EIF4A2: variants seen among roughly 807,000 people sequenced by gnomAD.
EIF4A2 encodes eukaryotic translation initiation factor 4A2.
Under a neutral mutation model 50.6 loss-of-function variants are expected in EIF4A2, and 9 were observed. That is an observed-to-expected ratio of 0.18 (90% confidence interval 0.11 to 0.31). The LOEUF (loss-of-function observed/expected upper bound fraction) is 0.31, where lower values mean the gene tolerates loss of function less well. Among genes scored for constraint, EIF4A2 ranks in the 10% least tolerant of loss-of-function variants. The pLI, the probability that EIF4A2 is intolerant of heterozygous loss-of-function variation, is 1.00. For missense variants in EIF4A2, 182 were observed against 501.8 expected (o/e 0.36, Z 6.09); for synonymous variants, 215 against 164.4 (o/e 1.31, Z -2.35).
At chr3:186,788,048 T>A in intron 10 of EIF4A2, 166 bp downstream of exon 10, 2 of 808,406 alleles carry the variant, frequency 2.5e-6, no homozygotes, top group East Asian at 5.4e-5. Context: ...GAGAACAAAG[T>A]GGGAAAACTT....
intron 4 of EIF4A2, chr3:186,785,377 A>G: frequency 4.3e-6 from 2 of 463,616 alleles, no homozygotes; most frequent in Non-Finnish European, 7.7e-6. Context: ...GTTGTGCAAC[A>G]TGAAAACTGC....
At chr3:186,786,370 C>G in intron 6 of EIF4A2, 97 bp downstream of exon 6, 1 of 1,518,362 alleles carries the variant, frequency 6.6e-7, no homozygotes, top group Admixed American at 2.0e-5. Context: ...TGTCGTTCCC[C>G]CTGCTTAAAG....
chr3:186,784,947 T>C lies in EIF4A2; in HGVS notation c.209-15T>C. On this transcript the variant is annotated splice_polypyrimidine_tract_variant and intron_variant, in intron 3 of 10. Coordinates refer to ENST00000323963, the MANE Select transcript of EIF4A2 (RefSeq NM_001967.4). ...TTGATGTGGGATCGGTAAATGTGTA[T>C]CCTACTTTTTTTAGGGTATGATGTG... The C allele has an allele frequency of 6.2e-7, 1 of 1,614,192 alleles. No individual in the cohort carries two copies. The highest frequency in any genetic ancestry group is 8.5e-7 in the Non-Finnish European group (1 of 1,180,038).
intron 10 of EIF4A2, 86 bp downstream of exon 10, chr3:186,787,968 G>A (rs898889799): frequency 2.9e-6 from 4 of 1,397,628 alleles, no homozygotes; most frequent in Admixed American, 3.8e-5. Context: ...TCAAATCAAG[G>A]AATAGATTCA....
In EIF4A2 at chr3:186,786,523, A is replaced by G; in HGVS notation, c.649A>G (p.Met217Val). 2.5e-6 allele frequency: 4 copies of G among 1,612,518 alleles called. No individual in the cohort carries two copies. The highest frequency in any genetic ancestry group is 2.5e-6 in the Non-Finnish European group (3 of 1,179,894). ...SIQVVLLSAT[M>V]PTDVLEVTKK... is the part of the protein sequence containing the mutation. ...TAAGGTTGTGTTGCTTTCTGCCACA[A>G]TGCCAACTGATGTGTTGGAAGTGAC... is the stretch of plus-strand genomic sequence containing the variant. The change falls in exon 7 of 11, where the codon ATG becomes GTG. Residue 217 changes from methionine (M) to valine (V), a missense_variant. Met to Val is a conservative substitution (Grantham distance 21, BLOSUM62 1). Transcript: ENST00000323963.
chr3:186,783,639 G>C lies in EIF4A2; in HGVS notation c.29G>C (p.Arg10Thr), dbSNP rs1479988881. 2 of 1,614,062 alleles carry C rather than the reference G, an allele frequency of 1.2e-6. No individual in the cohort carries two copies. The highest frequency in any genetic ancestry group is 1.1e-5 in the South Asian group (1 of 91,084). Residue 10 changes from arginine to threonine, a missense_variant and splice_region_variant, in exon 1 of 11, where the codon AGA (arginine) becomes ACA (threonine). By Grantham distance (71) the Arg-to-Thr change is moderately conservative. Around this residue, in one of 7 missense-constraint regions of EIF4A2, gnomAD observed 43 missense variants for 22.2 expected, o/e 1.93. Coordinates refer to ENST00000323963, the MANE Select transcript of EIF4A2 (RefSeq NM_001967.4). Reference protein sequence around the residue: MSGGSADYNREHGGPEGMDP... With the variant: MSGGSADYNTEHGGPEGMDP... Reference sequence around the variant, plus strand: ...TCTGGTGGCTCCGCGGATTATAACAGGTATGCAGTCTGTTGGCGGTCGCGG... The same window carrying C: ...TCTGGTGGCTCCGCGGATTATAACACGTATGCAGTCTGTTGGCGGTCGCGG...
chr3:186,787,285 T>C, intron 8 of EIF4A2, 21 bp downstream of exon 8: 1 of 1,614,084 alleles, frequency 6.2e-7, no homozygotes, highest in Non-Finnish European at 8.5e-7. Flanking sequence ...TTCTAAAATG[T>C]CTGGATTTCC....
intron 1 of EIF4A2, chr3:186,784,094 T>C (rs1721539204): frequency 2.1e-6 from 1 of 472,352 alleles, no homozygotes; most frequent in Non-Finnish European, 3.8e-6. Flanking sequence ...CCGGTGCCGG[T>C]GAACCGTTGG....
chr3:186,783,646 A>G lies in EIF4A2; in HGVS notation c.29+7A>G, dbSNP rs772220517. 2.2e-5 allele frequency: 36 copies of G among 1,614,034 alleles called. No homozygotes were observed. The highest frequency in any genetic ancestry group is 2.9e-5 in the Non-Finnish European group (34 of 1,180,028). On this transcript the variant is annotated splice_region_variant and intron_variant, in intron 1 of 10. Transcript: ENST00000323963. ...GCTCCGCGGATTATAACAGGTATGC[A>G]GTCTGTTGGCGGTCGCGGTCTGTAG...
At chr3:186,786,796 G>GGT in intron 7 of EIF4A2, 151 bp downstream of exon 7, 2 of 1,094,746 alleles carry the variant, frequency 1.8e-6, no homozygotes, top group East Asian at 2.4e-5. Context: ...TAAAGACTGG[G>GGT]GTGGACCTCT....
Position 186,789,837 on chromosome 3 carries a change from GC to G in EIF4A2, c.*570del, listed in dbSNP as rs1321660207. The stretch of plus-strand genomic sequence containing the variant: ...GTAGGGTTTAATCCCCAGTAAAATT[GC>G]CATATTGCACATGTCTTAATGAAGT... On this transcript the variant is annotated 3_prime_UTR_variant, in exon 11 of 11. Coordinates refer to ENST00000323963, the MANE Select transcript of EIF4A2 (RefSeq NM_001967.4). The G allele has an allele frequency of 3.0e-6, 2 of 662,702 alleles. No individual in the cohort carries two copies. Among genetic ancestry groups the G allele is most frequent in the African/African-American group, 3.6e-5 (2 of 55,156 alleles). 41.1% of individuals were successfully genotyped at this position (662,702 alleles called of 1,614,324 possible). A position where few individuals can be genotyped will look rare whatever the true frequency, so the allele number is the denominator to read the frequency against.
intron 3 of EIF4A2, 104 bp from the exon 4 acceptor site, chr3:186,784,858 A>ATC: frequency 6.2e-7 from 1 of 1,602,098 alleles, no homozygotes; most frequent in South Asian, 1.1e-5. Context: ...CTCATTGCTG[A>ATC]TCACTTGATT....
rs1184668682 is a variant in EIF4A2, at chr3:186,789,472, A to G, written c.*203A>G. ...TTGGCTTTATCCTCTTTAGAGTTAG[A>G]CTGTTGGGGTGGGTATAAAAGATGG... On this transcript the variant is annotated 3_prime_UTR_variant, in exon 11 of 11. Transcript: ENST00000323963. 9 of 568,080 alleles carry G rather than the reference A, an allele frequency of 1.6e-5. No individual in the cohort carries two copies. Among genetic ancestry groups the G allele is most frequent in the African/African-American group, 1.9e-5 (1 of 51,338 alleles). The allele number at this position is 568,080 out of a possible 1,614,324, so 35.2% of individuals were successfully genotyped here.
intron 1 of EIF4A2, 151 bp downstream of exon 1, chr3:186,783,790 G>C: frequency 1.6e-6 from 2 of 1,266,922 alleles, no homozygotes. Context: ...CTTCCATGAT[G>C]GGTAGGGCCC....
chr3:186,787,315 T>A, intron 8 of EIF4A2, 51 bp downstream of exon 8: 2 of 1,613,870 alleles, frequency 1.2e-6, no homozygotes, highest in South Asian at 2.2e-5. Flanking sequence ...GGATTCAGAC[T>A]ACAATATAGC....
In EIF4A2 at chr3:186,789,383, G is replaced by A. The variant is rs1046697968; in HGVS notation, c.*114G>A. 2.3e-5 allele frequency: 33 copies of A among 1,407,642 alleles called. No homozygotes were observed. Among genetic ancestry groups the A allele is most frequent in the African/African-American group, 2.9e-5 (2 of 68,406 alleles). The allele number at this position is 1,407,642 out of a possible 1,614,324, so 87.2% of individuals were successfully genotyped here. Reference sequence around the variant, plus strand: ...TGAATCTTGTCTCAATGCTCATAACGGATCAGAAATACAGATTTTGATAGC... The same window carrying A: ...TGAATCTTGTCTCAATGCTCATAACAGATCAGAAATACAGATTTTGATAGC... On this transcript the variant is annotated 3_prime_UTR_variant, in exon 11 of 11. Coordinates refer to ENST00000323963, the MANE Select transcript of EIF4A2 (RefSeq NM_001967.4).
rs558824110 is a variant in EIF4A2, at chr3:186,784,311, T to G, written c.30-121T>G. 40 of 1,424,154 alleles carry G rather than the reference T, an allele frequency of 2.8e-5. No homozygotes were observed. In the African/African-American group the frequency reaches 3.8e-4, roughly 14 times the overall value. The allele number at this position is 1,424,154 out of a possible 1,614,324, so 88.2% of individuals were successfully genotyped here. The stretch of plus-strand genomic sequence containing the variant: ...ACAGTGTGGATATTCGCCCTGAGGC[T>G]GCTGCTTTAGCTTGTGCAGGGGAGG... On this transcript the variant is annotated intron_variant, in intron 1 of 10. Transcript: ENST00000323963.
intron 7 of EIF4A2, 102 bp downstream of exon 7, chr3:186,786,747 CAGAGT>C (rs749091759): frequency 1.2e-5 from 17 of 1,469,304 alleles, no homozygotes; most frequent in Non-Finnish European, 1.6e-5. Flanking sequence ...ATAATGCTAG[CAGAGT>C]ACACACAAGA....
chr3:186,786,683 G>GTTTA (rs1560085325), intron 7 of EIF4A2, 38 bp downstream of exon 7: 1 of 1,611,884 alleles, frequency 6.2e-7, no homozygotes, highest in Non-Finnish European at 8.5e-7. Flanking sequence ...TTACCTTCTT[G>GTTTA]TATAAGCACT....
Sources: allele counts gnomAD v4.1 joint callset, GRCh38; gene constraint gnomAD v4.1.1; regional missense constraint gnomAD v4.1.1; transcripts MANE v1.5; gene names NCBI Gene and HGNC (gene_info 2026-07-23, HGNC 2026-07-21).